CLSTN1: variants seen among roughly 807,000 people sequenced by gnomAD.
The protein encoded by CLSTN1 is calsyntenin-1.
In CLSTN1, 28 loss-of-function variants were observed where a neutral mutation model predicts 108.3. The observed-to-expected ratio is 0.26, with a 90% CI of 0.19 to 0.35. The LOEUF is 0.35. CLSTN1 is among the 10% of genes least tolerant of loss of function. CLSTN1 has a pLI of 1.00. For synonymous variants in CLSTN1, 524 were observed against 534.9 expected, an observed-to-expected ratio of 0.98 and a Z score of 0.28; for missense variants, 1,157 against 1,302.6, an observed-to-expected ratio of 0.89 and a Z score of 1.72.
At position 9,755,162 on chromosome 1, in the gene CLSTN1, T is replaced by C. The variant is rs762077534; in HGVS notation, c.392A>G (p.Tyr131Cys). ...QKDYSFTIQA[Y>C]DCGKGPDGTN... ...GCCATCAGGTCCCTTCCCACAATCA[T>C]AGGCCTGGATGGTGAATGAATAGTC... Residue 131 changes from tyrosine to cysteine, a missense_variant, in exon 4 of 19, where the codon TAT (tyrosine) becomes TGT (cysteine). Coordinates refer to ENST00000377298, the MANE Select transcript of CLSTN1 (RefSeq NM_001009566.3). The C allele has an allele frequency of 5.0e-6, 8 of 1,613,934 alleles. No individual in the cohort carries two copies. Among genetic ancestry groups the C allele is most frequent in the African/African-American group, 1.3e-5 (1 of 74,926 alleles).
At chr1:9,814,848 T>C (rs1383358041) in intron 1 of CLSTN1, among the ~76,000 whole-genome samples, 1 of 151,828 alleles carries the variant, frequency 6.6e-6, no homozygotes, top group African/African-American at 2.4e-5. Flanking sequence ...TGCAGTGAGC[T>C]GTGATTGTGC....
At chr1:9,811,510 ATCAG>A (rs1014101565) in intron 1 of CLSTN1, among the ~76,000 whole-genome samples, 2 of 152,022 alleles carry the variant, frequency 1.3e-5, no homozygotes, top group South Asian at 2.1e-4. Context: ...GGGCTTTATA[ATCAG>A]TCAGGATTAT....
intron 3 of CLSTN1, 21 bp downstream of exon 3, chr1:9,756,460 G>T: frequency 6.2e-7 from 1 of 1,606,706 alleles, no homozygotes. Context: ...CATAAGAGGG[G>T]AAGAAAGAAC....
chr1:9,749,998 A>C lies in CLSTN1; in HGVS notation c.650-85T>G, dbSNP rs568262001. ...TCCTAGGCGGAAAGACAAAATGCAT[A>C]GGCTTTAAGCCCTGTAAATACTCAG... On this transcript the variant is annotated intron_variant, in intron 5 of 18. Coordinates refer to ENST00000377298, the MANE Select transcript of CLSTN1 (RefSeq NM_001009566.3). 6 of 1,128,032 alleles carry C rather than the reference A, an allele frequency of 5.3e-6. No homozygotes were observed. In the East Asian group the frequency reaches 1.4e-4, roughly 27 times the overall value. 69.9% of individuals were successfully genotyped at this position (1,128,032 alleles called of 1,614,324 possible). A position where few individuals can be genotyped will look rare whatever the true frequency, so the allele number is the denominator to read the frequency against.
At chr1:9,786,778 G>A (rs1653515227) in intron 1 of CLSTN1, among the ~76,000 whole-genome samples, 1 of 151,376 alleles carries the variant, frequency 6.6e-6, no homozygotes, top group Non-Finnish European at 1.5e-5. Flanking sequence ...GGCTGGGCAT[G>A]GGCTCACCAC....
At chr1:9,808,391 A>G (rs1039879330) in intron 1 of CLSTN1, among the ~76,000 whole-genome samples, 7 of 152,206 alleles carry the variant, frequency 4.6e-5, no homozygotes, top group Non-Finnish European at 8.8e-5. Context: ...TCCACTTGTT[A>G]TAGGTTAAAT....
At chr1:9,743,743 G>T in intron 9 of CLSTN1, 141 bp downstream of exon 9, 3 of 880,310 alleles carry the variant, frequency 3.4e-6, no homozygotes, top group African/African-American at 1.7e-5. Flanking sequence ...TTTTTGTAGG[G>T]ACAGGATCTT....
At chr1:9,797,206 C>T (rs1043941919) in intron 1 of CLSTN1, among the ~76,000 whole-genome samples, 7 of 152,132 alleles carry the variant, frequency 4.6e-5, no homozygotes, top group Non-Finnish European at 7.3e-5. Context: ...AAGCTGGACT[C>T]AGGAGGCTCA....
At chr1:9,810,670 G>A (rs1462259228) in intron 1 of CLSTN1, among the ~76,000 whole-genome samples, 2 of 152,052 alleles carry the variant, frequency 1.3e-5, no homozygotes, top group Non-Finnish European at 2.9e-5. Context: ...AGCTACTCAG[G>A]AGGCTGAGGC....
At chr1:9,815,551 T>C (rs766604615) in intron 1 of CLSTN1, among the ~76,000 whole-genome samples, 1 of 152,318 alleles carries the variant, frequency 6.6e-6, no homozygotes, top group Middle Eastern at 3.4e-3. Flanking sequence ...GTGTATTTGA[T>C]TCGAAAAATG....
Position 9,731,374 on chromosome 1 carries a change from C to T in CLSTN1, c.2580G>A (p.Ala860=), listed in dbSNP as rs759220578. The T allele has an allele frequency of 8.7e-6, 14 of 1,614,074 alleles. No homozygotes were observed. The highest frequency in any genetic ancestry group is 2.2e-5 in the East Asian group (1 of 44,890). The change falls in exon 18 of 19, where the codon GCG becomes GCA. Residue 860 remains alanine, a synonymous_variant. Transcript: ENST00000377298. ...PHPFAVVPST[A]TVVIVVCVSF... is the part of the protein sequence containing the mutation. ...TGACGCACACCACGATCACAACTGT[C>T]GCAGTGCTGGGGACGACTGTGGGAG... is the stretch of plus-strand genomic sequence containing the variant.
intron 1 of CLSTN1, among the ~76,000 whole-genome samples, chr1:9,822,913 C>CA (rs1384561302): frequency 6.6e-6 from 1 of 152,162 alleles, no homozygotes; most frequent in Non-Finnish European, 1.5e-5. Flanking sequence ...ACCAAGGCAC[C>CA]AGGGGTAGCA....
chr1:9,742,170 C>G (rs1437947632), intron 9 of CLSTN1, among the ~76,000 whole-genome samples: 1 of 152,102 alleles, frequency 6.6e-6, no homozygotes, highest in Non-Finnish European at 1.5e-5. Context: ...TACTTGAAAT[C>G]TGAACATTGA....
intron 5 of CLSTN1, chr1:9,750,286 A>AG (rs1651491341): frequency 5.3e-6 from 1 of 187,126 alleles, no homozygotes; most frequent in Non-Finnish European, 1.1e-5. Flanking sequence ...CTATATTAAA[A>AG]GAAAGAGAGA....
intron 1 of CLSTN1, among the ~76,000 whole-genome samples, chr1:9,821,627 C>A (rs1048858336): frequency 6.6e-6 from 1 of 152,020 alleles, no homozygotes; most frequent in African/African-American, 2.4e-5. Context: ...GCCTTACAGC[C>A]GTAAAAAATT....
chr1:9,756,974 A>G (rs1042299663), intron 2 of CLSTN1, among the ~76,000 whole-genome samples: 14 of 150,090 alleles, frequency 9.3e-5, no homozygotes, highest in African/African-American at 3.4e-4. Flanking sequence ...GAGACAGGGT[A>G]TCACCATGTT....
intron 10 of CLSTN1, among the ~76,000 whole-genome samples, chr1:9,738,098 C>T (rs1398984375): frequency 6.6e-6 from 1 of 152,186 alleles, no homozygotes; most frequent in Admixed American, 6.5e-5. Flanking sequence ...AGCCATTAAC[C>T]TTTGGGCGAC....
In CLSTN1 at chr1:9,734,847, C is replaced by G; in HGVS notation, c.2110+101G>C. On this transcript the variant is annotated intron_variant, in intron 14 of 18. Coordinates refer to ENST00000377298, the MANE Select transcript of CLSTN1 (RefSeq NM_001009566.3). The surrounding 1 kb of genome is among the most constrained non-coding windows in gnomAD (Gnocchi z 4.8). ...AGAGAACACCAACGAAAGATTAAAACCTCCCCAAATCCCACAGAGACAAAG... is the reference window on the plus strand; with the variant it reads ...AGAGAACACCAACGAAAGATTAAAAGCTCCCCAAATCCCACAGAGACAAAG... 1 of 998,842 alleles carries G rather than the reference C, an allele frequency of 1.0e-6. No homozygotes were observed. 61.9% of individuals were successfully genotyped at this position (998,842 alleles called of 1,614,324 possible). A position where few individuals can be genotyped will look rare whatever the true frequency, so the allele number is the denominator to read the frequency against.
At chr1:9,769,725 C>T (rs545718541) in intron 2 of CLSTN1, among the ~76,000 whole-genome samples, 3 of 152,136 alleles carry the variant, frequency 2.0e-5, no homozygotes, top group Admixed American at 2.0e-4. Context: ...CATTCTAAAA[C>T]TCAATGAGCT....
Sources: gnomAD v4.1 joint callset for allele counts (sites outside exome capture counted in the v4.1 genomes callset) on GRCh38, gnomAD v4.1.1 for gene constraint, Gnocchi (gnomAD v3.1) non-coding constraint, MANE v1.5 for transcripts, NCBI Gene and HGNC (gene_info 2026-07-23, HGNC 2026-07-21) for gene names.